IQCK: variants seen among roughly 807,000 people sequenced by gnomAD.
The protein encoded by IQCK is IQ motif containing K.
Under a neutral mutation model 28.1 loss-of-function variants are expected in IQCK, and 29 were observed. That is an observed-to-expected ratio of 1.03 (90% CI 0.77 to 1.41). The LOEUF is 1.41. Ranked by LOEUF, IQCK falls within the 40% of genes most tolerant of loss-of-function variation. The pLI, the probability that IQCK is intolerant of heterozygous loss-of-function variation, is 0.00. For missense variants in IQCK, 359 were observed against 314.7 expected, an observed-to-expected ratio of 1.14 and a Z score of -1.07; for synonymous variants, 113 against 115.1, an observed-to-expected ratio of 0.98 and a Z score of 0.12.
At chr16:19,719,144 G>A (rs2151667581) in intron 1 of IQCK, among the ~76,000 whole-genome samples, 1 of 152,262 alleles carries the variant, frequency 6.6e-6, no homozygotes, top group East Asian at 1.9e-4. Flanking sequence ...TTTCGATGGT[G>A]TTAAGAAGAT....
At chr16:19,855,474 A>G (rs1021658617) in intron 9 of IQCK, among the ~76,000 whole-genome samples, 15 of 152,144 alleles carry the variant, frequency 9.9e-5, no homozygotes, top group Admixed American at 5.2e-4. Flanking sequence ...GCCTGTAGCT[A>G]CTTGGGATGC....
intron 4 of IQCK, among the ~76,000 whole-genome samples, chr16:19,742,128 A>T (rs1262694198): frequency 6.6e-6 from 1 of 152,176 alleles, no homozygotes; most frequent in African/African-American, 2.4e-5. Flanking sequence ...AGTTTCCTCA[A>T]CTATTGAAAG....
At chr16:19,790,627 CAA>C (rs1490408178) in intron 7 of IQCK, among the ~76,000 whole-genome samples, 1 of 114,152 alleles carries the variant, frequency 8.8e-6, no homozygotes, top group Non-Finnish European at 1.6e-5. Flanking sequence ...CAATTAATAA[CAA>C]ATATTTGCTA....
intron 4 of IQCK, among the ~76,000 whole-genome samples, chr16:19,737,738 C>A (rs544493666): frequency 6.6e-6 from 1 of 152,088 alleles, no homozygotes; most frequent in Non-Finnish European, 1.5e-5. Flanking sequence ...GTCTCTCCCC[C>A]GCAGTGCTCC....
chr16:19,836,444 G>A (rs1246475068), intron 9 of IQCK, among the ~76,000 whole-genome samples: 2 of 152,308 alleles, frequency 1.3e-5, no homozygotes, highest in East Asian at 3.9e-4. Flanking sequence ...AATGCCTGAA[G>A]ATCCCTACTG....
rs370290416 is a variant in IQCK, at chr16:19,733,364, C to T, written c.247-334C>T. ...ATGTTGGCCAGGCTGGCTTTGAACT[C>T]CTGACCTCAGATGATCCATCTGCTT... On this transcript the variant is annotated intron_variant, in intron 2 of 7. Coordinates refer to ENST00000564186, the Ensembl canonical transcript of IQCK. Among the ~76,000 whole-genome samples the T allele has an allele frequency of 7.2e-5, 11 of 152,184 alleles. No homozygotes were observed. In the East Asian group the frequency reaches 1.4e-3, roughly 19 times the overall value.
At chr16:19,725,165 A>G (rs1977615941) in intron 1 of IQCK, among the ~76,000 whole-genome samples, 1 of 152,198 alleles carries the variant, frequency 6.6e-6, no homozygotes, top group African/African-American at 2.4e-5. Flanking sequence ...AAGATTGTAA[A>G]CATTTATACA....
At chr16:19,827,260 A>C, downstream of IQCK, 2 of 667,518 alleles carry the variant, frequency 3.0e-6, no homozygotes, top group Non-Finnish European at 5.4e-6. Context: ...CAGCTTGTGC[A>C]TGGGGGAAGT....
At position 19,791,438 on chromosome 16, in the gene IQCK, A is replaced by G. The variant is rs1260295554; in HGVS notation, c.690+2516A>G. Among the ~76,000 whole-genome samples the G allele has an allele frequency of 1.7e-5, 2 of 114,604 alleles. 1 individual carries two copies. Among genetic ancestry groups the G allele is most frequent in the Admixed American group, 1.5e-4 (2 of 13,338 alleles). 75.2% of individuals were successfully genotyped at this position (114,604 alleles called of 152,430 possible). A position where few individuals can be genotyped will look rare whatever the true frequency, so the allele number is the denominator to read the frequency against. On this transcript the variant is annotated intron_variant, in intron 7 of 7. Coordinates refer to ENST00000564186, the Ensembl canonical transcript of IQCK. ...AAAGAAAAGGTAAGAGCAAAGTGCA[A>G]TAAAATAGTCATTTTCAAGCCCGTC...
At chr16:19,858,212 TCTC>T (rs1430761867) in exon 10 of IQCK, 29 of 334,478 alleles carry the variant, frequency 8.7e-5, no homozygotes, top group Admixed American at 4.8e-4. Flanking sequence ...CTCTCTCCCT[TCTC>T]CTCTCACTCC....
At chr16:19,753,343 T>G (rs1567543378) in intron 4 of IQCK, among the ~76,000 whole-genome samples, 1 of 152,152 alleles carries the variant, frequency 6.6e-6, no homozygotes, top group Non-Finnish European at 1.5e-5. Flanking sequence ...GGAAGATCCC[T>G]TGAGCCTAGG....
intron 6 of IQCK, among the ~76,000 whole-genome samples, chr16:19,782,685 A>G (rs761126769): frequency 2.6e-5 from 4 of 152,174 alleles, no homozygotes; most frequent in Non-Finnish European, 5.9e-5. Context: ...CCAAAATTTC[A>G]TTTTCAATCT....
intron 9 of IQCK, among the ~76,000 whole-genome samples, chr16:19,832,856 C>T (rs193221915): frequency 7.7e-4 from 117 of 152,092 alleles, no homozygotes; most frequent in Admixed American, 2.4e-3. Flanking sequence ...GGGGAACTGT[C>T]AAACATAAAC....
exon 2 of IQCK, chr16:19,730,472 T>C: frequency 1.2e-6 from 2 of 1,608,188 alleles, no homozygotes; most frequent in Non-Finnish European, 1.7e-6. Context: ...GGATATAAAG[T>C]CAAACAGGAG....
At chr16:19,818,057 C>T (rs528878324) in intron 7 of IQCK, among the ~76,000 whole-genome samples, 3 of 129,544 alleles carry the variant, frequency 2.3e-5, no homozygotes, top group South Asian at 4.2e-4. Context: ...TAAACACGAG[C>T]CTGTGGGAAA....
rs1297987752 is a variant in IQCK, at chr16:19,751,883, C to T, written c.475-11965C>T. On this transcript the variant is annotated intron_variant, in intron 4 of 7. Transcript: ENST00000564186. Reference sequence around the variant, plus strand: ...ATTGCCATTGACCTTTCTGATCTTCCGATTATAGTTATAGCTGCCTTCCTG... The same window carrying T: ...ATTGCCATTGACCTTTCTGATCTTCTGATTATAGTTATAGCTGCCTTCCTG... Among the ~76,000 whole-genome samples the T allele has an allele frequency of 3.3e-5, 5 of 152,066 alleles. No homozygotes were observed. In the East Asian group the frequency reaches 9.6e-4, roughly 29 times the overall value.
intron 9 of IQCK, among the ~76,000 whole-genome samples, chr16:19,834,253 C>T (rs1456831137): frequency 6.6e-6 from 1 of 152,154 alleles, no homozygotes; most frequent in Non-Finnish European, 1.5e-5. Flanking sequence ...CCTTATGTTT[C>T]CACGTAGTCC....
intron 6 of IQCK, among the ~76,000 whole-genome samples, chr16:19,784,306 G>A (rs910337846): frequency 6.6e-6 from 1 of 152,036 alleles, no homozygotes; most frequent in African/African-American, 2.4e-5. Flanking sequence ...GACCTTGTGA[G>A]CTGGCCCCAT....
intron 7 of IQCK, among the ~76,000 whole-genome samples, chr16:19,822,385 C>CAAAAA (rs1216507836): frequency 1.6e-5 from 1 of 61,162 alleles, no homozygotes; most frequent in African/African-American, 6.0e-5. Flanking sequence ...GACTCTGTCT[C>CAAAAA]AAAAAAAAAA....
Sources: allele counts gnomAD v4.1 joint callset (sites outside exome capture counted in the v4.1 genomes callset), GRCh38; gene constraint gnomAD v4.1.1; transcripts MANE v1.5; gene names NCBI Gene and HGNC (gene_info 2026-07-23, HGNC 2026-07-21).